Variants in GPR107 observed in about 807,000 individuals in gnomAD.
GPR107 encodes the protein protein GPR107.
Under a neutral mutation model 75.5 loss-of-function variants are expected in GPR107, and 31 were observed. The ratio of observed to expected loss-of-function variants is 0.41; its 90% confidence interval spans 0.31 to 0.55. The LOEUF is 0.55. GPR107 is among the 20% of genes least tolerant of loss of function. GPR107 has a pLI of 0.26. For missense variants in GPR107, 572 were observed against 665.7 expected (o/e 0.86, Z 1.55); for synonymous variants, 267 against 251.3 (o/e 1.06, Z -0.59).
chr9:130,133,934 T>C (rs2132663012), intron 17 of GPR107, among the ~76,000 whole-genome samples: 1 of 152,196 alleles, frequency 6.6e-6, no homozygotes, highest in Non-Finnish European at 1.5e-5. Flanking sequence ...TACCATGAGG[T>C]CCAGCTGCAT....
chr9:130,114,691 T>C lies in GPR107; in HGVS notation c.1306+7152T>C, dbSNP rs918977789. ...GTGAGCCACTGGACCCATCCTGTTT[T>C]ACTTTCTGATCCATATTTGTAGATA... On this transcript the variant is annotated intron_variant, in intron 14 of 17. Transcript: ENST00000347136. 30 of 1,048,714 alleles carry C rather than the reference T, an allele frequency of 2.9e-5. No individual in the cohort carries two copies. In the African/African-American group the frequency reaches 5.0e-4, roughly 18 times the overall value. 65.0% of individuals were successfully genotyped at this position (1,048,714 alleles called of 1,614,324 possible). A position where few individuals can be genotyped will look rare whatever the true frequency, so the allele number is the denominator to read the frequency against.
In GPR107 at chr9:130,094,321, A is replaced by G. The variant is rs59654731; in HGVS notation, c.863+1940A>G. Among the ~76,000 whole-genome samples, 4 of 152,200 alleles carry G rather than the reference A, an allele frequency of 2.6e-5. 1 individual carries two copies. Among genetic ancestry groups the G allele is most frequent in the South Asian group, 4.2e-4 (2 of 4,810 alleles). ...TAGCTGGGCGTGGTGGCAGGTGCCT[A>G]TAGTCCCAGCTACTCAGGAGGCTGA... On this transcript the variant is annotated intron_variant, in intron 9 of 17. Coordinates refer to ENST00000347136, the MANE Select transcript of GPR107 (RefSeq NM_020960.5).
intron 1 of GPR107, among the ~76,000 whole-genome samples, chr9:130,062,440 T>G (rs1829949354): frequency 6.7e-6 from 1 of 148,556 alleles, no homozygotes; most frequent in African/African-American, 2.5e-5. Context: ...ATAATAATAA[T>G]AATAATAATA....
At chr9:130,063,010 A>G (rs1411913632) in intron 1 of GPR107, among the ~76,000 whole-genome samples, 1 of 152,186 alleles carries the variant, frequency 6.6e-6, no homozygotes. Flanking sequence ...AGAGGATAAG[A>G]CAGGGAAGAT....
Position 130,097,155 on chromosome 9 carries a change from CTTTTTTTTTTT to C in GPR107, c.864-2295_864-2285del, listed in dbSNP as rs71387312. Among the ~76,000 whole-genome samples the C allele has an allele frequency of 2.3e-5, 3 of 130,172 alleles. No homozygotes were observed. The Admixed American group carries it at 2.5e-4, about 11-fold the overall frequency. The allele number at this position is 130,172 out of a possible 152,430, so 85.4% of individuals were successfully genotyped here. ...TCTTTTCTTTACTTTTCTTTTTTTT[CTTTTTTTTTTT>C]TTTTTTGAGACAGAGTCTCACTCTG... is the stretch of plus-strand genomic sequence containing the variant. On this transcript the variant is annotated intron_variant, in intron 9 of 17. Coordinates refer to ENST00000347136, the MANE Select transcript of GPR107 (RefSeq NM_020960.5).
intron 15 of GPR107, among the ~76,000 whole-genome samples, chr9:130,126,917 C>A (rs2132652536): frequency 6.6e-6 from 1 of 152,324 alleles, no homozygotes; most frequent in African/African-American, 2.4e-5. Context: ...TGAGCTTAGT[C>A]CCCTTGCACA....
At chr9:130,085,771 T>TTTTTTTTTTTTTTTTTTG (rs1830600791) in intron 6 of GPR107, among the ~76,000 whole-genome samples, 1 of 133,508 alleles carries the variant, frequency 7.5e-6, no homozygotes, top group African/African-American at 2.7e-5. Context: ...TTTTTTTTTT[T>TTTTTTTTTTTTTTTTTTG]GCCGGGGGGA....
chr9:130,119,659 G>A (rs796864225), intron 14 of GPR107, among the ~76,000 whole-genome samples: 64 of 152,182 alleles, frequency 4.2e-4, no homozygotes, highest in African/African-American at 1.4e-3. Flanking sequence ...CTTACTCCAC[G>A]AGTAAGCTCA....
intron 1 of GPR107, among the ~76,000 whole-genome samples, chr9:130,070,083 G>A (rs900882942): frequency 4.8e-5 from 7 of 145,246 alleles, no homozygotes; most frequent in African/African-American, 1.8e-4. Context: ...GGCTCATTTG[G>A]CCTCGTGGGC....
At chr9:130,095,682 T>G (rs1464800084) in intron 9 of GPR107, among the ~76,000 whole-genome samples, 1 of 100,754 alleles carries the variant, frequency 9.9e-6, no homozygotes, top group Non-Finnish European at 2.0e-5. Flanking sequence ...CATGAGCCAG[T>G]GCACCCAGAC....
chr9:130,083,643 A>G (rs778865085), intron 6 of GPR107, 41 bp downstream of exon 6: 2 of 1,312,300 alleles, frequency 1.5e-6, no homozygotes, highest in Non-Finnish European at 2.1e-6. Context: ...TTTTCTGGAT[A>G]TGTGTGTACG....
chr9:130,136,341 T>C lies in GPR107; in HGVS notation c.*1220T>C, dbSNP rs1831955396. ...GCAGTATTGCAACTCAGAGAGAAAA[T>C]CATCTGAATAGTAGGACAAGCTCAG... On this transcript the variant is annotated 3_prime_UTR_variant, in exon 18 of 18. Coordinates refer to ENST00000347136, the MANE Select transcript of GPR107 (RefSeq NM_020960.5). The C allele has an allele frequency of 6.6e-6, 1 of 152,006 alleles. No individual in the cohort carries two copies. The highest frequency in any genetic ancestry group is 2.4e-5 in the African/African-American group (1 of 41,358). 9.4% of individuals were successfully genotyped at this position (152,006 alleles called of 1,614,324 possible). A position where few individuals can be genotyped will look rare whatever the true frequency, so the allele number is the denominator to read the frequency against.
intron 1 of GPR107, among the ~76,000 whole-genome samples, chr9:130,058,368 C>T (rs999980694): frequency 6.6e-6 from 1 of 152,182 alleles, no homozygotes; most frequent in Non-Finnish European, 1.5e-5. Context: ...CCCATTCCCA[C>T]CACTAGTCCC....
At chr9:130,086,715 A>G (rs796197272) in intron 7 of GPR107, among the ~76,000 whole-genome samples, 57 of 152,190 alleles carry the variant, frequency 3.7e-4, no homozygotes, top group African/African-American at 1.4e-3. Context: ...TGTAGGTGAC[A>G]CGGTACAGTT....
At chr9:130,108,956 A>G (rs1831228389) in intron 14 of GPR107, 2 of 308,580 alleles carry the variant, frequency 6.5e-6, no homozygotes, top group Admixed American at 4.9e-5. Context: ...CAAGGTAGGA[A>G]GTACAAATCC....
At chr9:130,060,830 G>A (rs1829912078) in intron 1 of GPR107, among the ~76,000 whole-genome samples, 1 of 152,186 alleles carries the variant, frequency 6.6e-6, no homozygotes, top group Non-Finnish European at 1.5e-5. Flanking sequence ...AAGGCATGTA[G>A]TTTAGAGCAG....
At chr9:130,104,142 A>T (rs1197679958) in intron 12 of GPR107, among the ~76,000 whole-genome samples, 2 of 152,128 alleles carry the variant, frequency 1.3e-5, no homozygotes, top group East Asian at 3.9e-4. Context: ...GTCCCAAGAG[A>T]GCTGGGTGGA....
intron 14 of GPR107, among the ~76,000 whole-genome samples, chr9:130,123,971 C>A (rs1831613811): frequency 6.6e-6 from 1 of 152,170 alleles, no homozygotes; most frequent in Admixed American, 6.5e-5. Context: ...CTGAGTGTCC[C>A]TCATTAGTGC....
At chr9:130,125,885 TAAAAATA>T (rs2132650867) in intron 15 of GPR107, among the ~76,000 whole-genome samples, 1 of 151,900 alleles carries the variant, frequency 6.6e-6, no homozygotes, top group South Asian at 2.1e-4. Context: ...CCATCTCTAC[TAAAAATA>T]AAAAATAAAA....
Sources: allele counts gnomAD v4.1 joint callset (sites outside exome capture counted in the v4.1 genomes callset), GRCh38; gene constraint gnomAD v4.1.1; transcripts MANE v1.5; gene names NCBI Gene and HGNC (gene_info 2026-07-23, HGNC 2026-07-21).